The following MAGI1 variants were observed in gnomAD, a reference collection of about 807,000 sequenced individuals.
MAGI1 encodes membrane associated guanylate kinase, WW and PDZ domain containing 1.
A neutral mutation model predicts 139.9 loss-of-function variants in MAGI1; 58 were observed. The observed-to-expected ratio is 0.41, with a 90% CI of 0.34 to 0.52. MAGI1 has a LOEUF of 0.52. Ranked by LOEUF, MAGI1 falls within the 20% of genes least tolerant of loss-of-function variation. The probability of loss-of-function intolerance (pLI) is 0.12; values close to 1 mark genes in which losing one functional copy is unlikely to be tolerated. For synonymous variants in MAGI1, 812 were observed against 737.9 expected, an observed-to-expected ratio of 1.10 and a Z score of -1.63; for missense variants, 1,874 against 1,901.6, an observed-to-expected ratio of 0.99 and a Z score of 0.27.
At chr3:65,413,846 T>C (rs1394074060) in intron 12 of MAGI1, among the ~76,000 whole-genome samples, 1 of 152,124 alleles carries the variant, frequency 6.6e-6, no homozygotes, top group Non-Finnish European at 1.5e-5. Flanking sequence ...GTCCAGTACA[T>C]TGGAGATGCA....
At chr3:65,459,851 A>G (rs1318876112) in intron 5 of MAGI1, among the ~76,000 whole-genome samples, 2 of 152,116 alleles carry the variant, frequency 1.3e-5, no homozygotes, top group African/African-American at 4.8e-5. Flanking sequence ...CTGAGCTCAG[A>G]GAAGTTAAGA....
chr3:66,027,753 G>A (rs2068365945), intron 1 of MAGI1, among the ~76,000 whole-genome samples: 1 of 152,160 alleles, frequency 6.6e-6, no homozygotes, highest in African/African-American at 2.4e-5. Context: ...TGCCTGTAGA[G>A]GGGCTTTCTC....
intron 2 of MAGI1, among the ~76,000 whole-genome samples, chr3:65,598,442 G>C (rs1174639395): frequency 2.0e-5 from 3 of 152,218 alleles, no homozygotes; most frequent in African/African-American, 4.8e-5. Flanking sequence ...CTTCCCAAGA[G>C]CAAGGGACAG....
At chr3:65,574,245 A>C (rs1045815517) in intron 2 of MAGI1, among the ~76,000 whole-genome samples, 20 of 150,976 alleles carry the variant, frequency 1.3e-4, no homozygotes, top group Non-Finnish European at 2.4e-4. Context: ...ATATATGTAT[A>C]TATATATACA....
intron 1 of MAGI1, among the ~76,000 whole-genome samples, chr3:65,894,400 A>C (rs1235246874): frequency 6.6e-6 from 1 of 152,174 alleles, no homozygotes; most frequent in African/African-American, 2.4e-5. Context: ...TCCTTGGTGA[A>C]AGCTAGGACA....
chr3:65,932,590 G>A (rs555853114), intron 1 of MAGI1, among the ~76,000 whole-genome samples: 168 of 152,228 alleles, frequency 1.1e-3, no homozygotes, highest in Admixed American at 4.0e-3. Context: ...CTTAGGCATC[G>A]GCACCTAATT....
chr3:65,507,102 GT>G (rs1437351731), intron 2 of MAGI1, among the ~76,000 whole-genome samples: 5 of 152,134 alleles, frequency 3.3e-5, no homozygotes, highest in Admixed American at 6.5e-5. Context: ...GAAGAATTGG[GT>G]ACAATACTAA....
chr3:65,731,195 A>G (rs2034150674), intron 1 of MAGI1, among the ~76,000 whole-genome samples: 1 of 152,174 alleles, frequency 6.6e-6, no homozygotes, highest in Non-Finnish European at 1.5e-5. Context: ...CAAGAGAGAA[A>G]CCCTGTCTTC....
intron 1 of MAGI1, among the ~76,000 whole-genome samples, chr3:65,945,280 G>A (rs779720606): frequency 5.3e-5 from 8 of 152,136 alleles, no homozygotes; most frequent in Non-Finnish European, 8.8e-5. Context: ...GGATAAACTC[G>A]TGTCATGAGG....
At chr3:65,679,341 A>T (rs2087414817) in intron 1 of MAGI1, among the ~76,000 whole-genome samples, 1 of 152,164 alleles carries the variant, frequency 6.6e-6, no homozygotes, top group Admixed American at 6.5e-5. Context: ...TATAGCTGAC[A>T]TTTCCTAAGG....
At position 65,430,018 on chromosome 3, in the gene MAGI1, G is replaced by A; in HGVS notation, c.1669C>T (p.Pro557Ser). 1 of 1,613,916 alleles carries A rather than the reference G, an allele frequency of 6.2e-7. No homozygotes were observed. Among genetic ancestry groups the A allele is most frequent in the Non-Finnish European group, 8.5e-7 (1 of 1,179,916 alleles). The change falls in exon 12 of 23, where the codon CCA becomes TCA. Residue 557 changes from proline to serine, a missense_variant. Pro to Ser is a moderately conservative substitution (Grantham distance 74). Around this residue, in one of 5 missense-constraint regions of MAGI1, gnomAD observed 86 missense variants for 130.0 expected, o/e 0.66. Coordinates refer to ENST00000402939, the MANE Select transcript of MAGI1 (RefSeq NM_001033057.2). Reference protein sequence around the residue: ...SVDLELCRGYPLPFDPDDPNT... With the variant: ...SVDLELCRGYSLPFDPDDPNT... ...GGGTCATCTGGATCAAAAGGCAATG[G>A]ATAACCTCGGCAGAGTTCAAGGTCC...
At chr3:65,602,709 CTA>C (rs1399604476) in intron 2 of MAGI1, among the ~76,000 whole-genome samples, 2 of 151,590 alleles carry the variant, frequency 1.3e-5, no homozygotes, top group Non-Finnish European at 2.9e-5. Context: ...TTCAATAAAA[CTA>C]TTTTTAAAAG....
At chr3:65,650,866 A>T (rs951667796) in intron 1 of MAGI1, among the ~76,000 whole-genome samples, 4 of 152,212 alleles carry the variant, frequency 2.6e-5, no homozygotes, top group African/African-American at 9.6e-5. Flanking sequence ...GATTCTTACA[A>T]TTTACAGCAA....
intron 6 of MAGI1, among the ~76,000 whole-genome samples, chr3:65,449,799 C>T (rs969557247): frequency 6.6e-6 from 1 of 151,940 alleles, no homozygotes; most frequent in Admixed American, 6.6e-5. Flanking sequence ...GACATCTCTA[C>T]TTTTCCAGAA....
intron 1 of MAGI1, among the ~76,000 whole-genome samples, chr3:65,970,546 A>G (rs1382343900): frequency 6.6e-6 from 1 of 152,084 alleles, no homozygotes; most frequent in East Asian, 1.9e-4. Context: ...AAGAATCAAG[A>G]AAGCTTAATA....
intron 2 of MAGI1, among the ~76,000 whole-genome samples, chr3:65,621,702 C>A (rs903512712): frequency 6.6e-6 from 1 of 152,200 alleles, no homozygotes; most frequent in African/African-American, 2.4e-5. Context: ...TTCCATGAAG[C>A]TAGTATTACT....
At chr3:66,026,880 C>G (rs976423030) in intron 1 of MAGI1, among the ~76,000 whole-genome samples, 2 of 151,818 alleles carry the variant, frequency 1.3e-5, no homozygotes, top group African/African-American at 2.4e-5. Context: ...AAGGGCCAGC[C>G]TAAGACCGGT....
intron 12 of MAGI1, among the ~76,000 whole-genome samples, chr3:65,410,235 T>C (rs528134687): frequency 6.6e-6 from 1 of 152,344 alleles, no homozygotes; most frequent in South Asian, 2.1e-4. Context: ...ATGTGAAGTA[T>C]GCCTAAAGGT....
chr3:65,561,906 T>C (rs2080370127), intron 2 of MAGI1, among the ~76,000 whole-genome samples: 1 of 152,210 alleles, frequency 6.6e-6, no homozygotes, highest in South Asian at 2.1e-4. Flanking sequence ...TGGTTTCAGA[T>C]ACTCTCGTTC....
Sources: allele counts gnomAD v4.1 joint callset (sites outside exome capture counted in the v4.1 genomes callset), GRCh38; gene constraint gnomAD v4.1.1; regional missense constraint gnomAD v4.1.1; transcripts MANE v1.5; gene names NCBI Gene and HGNC (gene_info 2026-07-23, HGNC 2026-07-21).